SF1: variants seen among roughly 807,000 people sequenced by gnomAD.
The protein encoded by SF1 is branch point-binding protein.
In SF1, 7 loss-of-function variants were observed where a neutral mutation model predicts 62.5. The observed-to-expected ratio is 0.11, with a 90% confidence interval of 0.06 to 0.21. SF1 has a LOEUF of 0.21. SF1 is among the 10% of genes least tolerant of loss of function. The pLI is 1.00. For synonymous variants in SF1, 394 were observed against 323.6 expected (o/e 1.22, Z -2.33); for missense variants, 578 against 884.0 (o/e 0.65, Z 4.39).
At chr11:64,777,294 C>T (rs969558608) in intron 1 of SF1, among the ~76,000 whole-genome samples, 1 of 152,184 alleles carries the variant, frequency 6.6e-6, no homozygotes, top group Non-Finnish European at 1.5e-5. Context: ...GCAGAAACTC[C>T]CTACATTTGC....
intron 1 of SF1, chr11:64,778,136 G>T: frequency 2.4e-6 from 2 of 817,600 alleles, no homozygotes; most frequent in Non-Finnish European, 3.0e-6. Context: ...TGGCGGTGGA[G>T]GCGGCGGCGG....
At chr11:64,770,976 T>TC (rs1417457377) in intron 3 of SF1, among the ~76,000 whole-genome samples, 1 of 152,230 alleles carries the variant, frequency 6.6e-6, no homozygotes, top group Non-Finnish European at 1.5e-5. Flanking sequence ...TCTTTGCTTT[T>TC]CCTTCAATGG....
At position 64,769,136 on chromosome 11, in the gene SF1, A is replaced by C. The variant is rs761566100; in HGVS notation, c.780-7T>G. ...CTGCCAGGGTCTTAAGATCCTATTA[A>C]AGGAAAAAGAGGTCAATGCAAGGGA... On this transcript the variant is annotated splice_polypyrimidine_tract_variant and splice_region_variant and intron_variant, in intron 7 of 12. Transcript: ENST00000377390. The C allele has an allele frequency of 6.2e-7, 1 of 1,613,474 alleles. No homozygotes were observed. The highest frequency in any genetic ancestry group is 1.1e-5 in the South Asian group (1 of 91,058).
intron 8 of SF1, 146 bp from the exon 9 acceptor site, chr11:64,768,432 G>A: frequency 4.1e-6 from 3 of 733,992 alleles, no homozygotes; most frequent in Middle Eastern, 3.0e-4. Context: ...TACTGGGCAT[G>A]GCTCTCAACA....
At chr11:64,778,132 T>TGGAGGCGGCGGCGGCTGCTGGGGAGGC (rs1445950717) in intron 1 of SF1, 23 of 759,452 alleles carry the variant, frequency 3.0e-5, no homozygotes, top group Non-Finnish European at 1.6e-6. Context: ...ACGGTGGCGG[T>TGGAGGCGGCGGCGGCTGCTGGGGAGGC]GGAGGCGGCG....
chr11:64,769,921 G>A (rs565352103), intron 5 of SF1, 43 bp downstream of exon 5: 1 of 1,435,442 alleles, frequency 7.0e-7, no homozygotes, highest in South Asian at 1.2e-5. Flanking sequence ...CATCTCACAG[G>A]CTCTAAAGGA....
intron 3 of SF1, chr11:64,772,447 G>GT (rs1938478342): frequency 3.0e-6 from 3 of 985,212 alleles, no homozygotes; most frequent in Non-Finnish European, 3.6e-6. Flanking sequence ...GAGAAACAAG[G>GT]AAGTTAATGT....
In SF1 at chr11:64,767,797, G is replaced by A. The variant is rs1423001947; in HGVS notation, c.1116C>T (p.Gly372=). The change falls in exon 10 of 13, where the codon GGC becomes GGT. Residue 372 remains glycine (G), a synonymous_variant. Coordinates refer to ENST00000377390, the MANE Select transcript of SF1 (RefSeq NM_004630.4). ...TQSRPPWMNS[G]PSESRPYHGM... is the part of the protein sequence containing the mutation. ...CGTGGTAGGGCCGACTCTCTGAAGG[G>A]CCAGAATTCATCCAGGGTGGGCGGC... The A allele has an allele frequency of 1.2e-6, 2 of 1,613,834 alleles. No homozygotes were observed. Among genetic ancestry groups the A allele is most frequent in the Non-Finnish European group, 8.5e-7 (1 of 1,179,850 alleles).
At chr11:64,775,765 TG>T (rs1214637885) in intron 2 of SF1, among the ~76,000 whole-genome samples, 1 of 152,236 alleles carries the variant, frequency 6.6e-6, no homozygotes. Context: ...AAAGCAATTT[TG>T]AGGTTAATTT....
chr11:64,765,294 GA>G lies in SF1; in HGVS notation c.*523del, dbSNP rs1234403911. ...CTCCTTGGACGGAGTCTGAAGAAAG[GA>G]AAAGATAAAGAAGTAACAAAGGAAA... On this transcript the variant is annotated 3_prime_UTR_variant, in exon 13 of 13. Coordinates refer to ENST00000377390, the MANE Select transcript of SF1 (RefSeq NM_004630.4). 5 of 623,120 alleles carry G rather than the reference GA, an allele frequency of 8.0e-6. No homozygotes were observed. The highest frequency in any genetic ancestry group is 1.5e-5 in the Non-Finnish European group (5 of 343,960). The allele number at this position is 623,120 out of a possible 1,614,324, so 38.6% of individuals were successfully genotyped here.
rs1937873991 is a variant in SF1 at position 64,769,145 on chromosome 11, G to A, written c.780-16C>T. 1 of 1,612,450 alleles carries A rather than the reference G, an allele frequency of 6.2e-7. No individual in the cohort carries two copies. The highest frequency in any genetic ancestry group is 8.5e-7 in the Non-Finnish European group (1 of 1,178,512). On this transcript the variant is annotated splice_polypyrimidine_tract_variant and intron_variant, in intron 7 of 12. Coordinates refer to ENST00000377390, the MANE Select transcript of SF1 (RefSeq NM_004630.4). ...TCTTAAGATCCTATTAAAGGAAAAA[G>A]AGGTCAATGCAAGGGAACAATCTCT...
At chr11:64,770,467 A>G in intron 3 of SF1, 59 bp from the exon 4 acceptor site, 1 of 1,575,922 alleles carries the variant, frequency 6.3e-7, no homozygotes, top group Non-Finnish European at 8.7e-7. Context: ...TCCCACACGG[A>G]CTATAACAAG....
At chr11:64,775,462 G>T (rs370356706) in intron 2 of SF1, among the ~76,000 whole-genome samples, 1 of 152,194 alleles carries the variant, frequency 6.6e-6, no homozygotes, top group Admixed American at 6.5e-5. Flanking sequence ...AACAGTAGGG[G>T]AAAGAACAAG....
intron 3 of SF1, 146 bp from the exon 4 acceptor site, chr11:64,770,554 A>G (rs1592484830): frequency 2.4e-6 from 2 of 839,480 alleles, no homozygotes; most frequent in East Asian, 5.4e-5. Context: ...GTGCTACTCA[A>G]GATCGTGTGG....
At chr11:64,767,984 G>A (rs1001782358) in intron 9 of SF1, 122 bp downstream of exon 9, 28 of 1,444,268 alleles carry the variant, frequency 1.9e-5, no homozygotes, top group Middle Eastern at 1.8e-4. Context: ...CTGAGATCCC[G>A]GAAGAACAAT....
At position 64,767,653 on chromosome 11, in the gene SF1, G is replaced by T. The variant is rs2058780179; in HGVS notation, c.1260C>A (p.Pro420=). 1 of 1,601,616 alleles carries T rather than the reference G, an allele frequency of 6.2e-7. No homozygotes were observed. Among genetic ancestry groups the T allele is most frequent in the Non-Finnish European group, 8.5e-7 (1 of 1,173,368 alleles). The stretch of plus-strand genomic sequence containing the variant: ...GTGGTGGCTGCATCCAAGGGGGTGG[G>T]GGTCCATTGGGGTTGTGCTGCATGG... The part of the protein sequence containing the change: ...GHPMQHNPNG[P]PPPWMQPPPP... Residue 420 remains proline, a synonymous_variant, in exon 10 of 13, where the codon CCC becomes CCA. Transcript: ENST00000377390.
At chr11:64,772,025 T>A in intron 3 of SF1, 1 of 985,340 alleles carries the variant, frequency 1.0e-6, no homozygotes, top group Non-Finnish European at 1.2e-6. Flanking sequence ...CAAAAACAAG[T>A]CTTACCAGCA....
In SF1 at chr11:64,765,661, G is replaced by A; in HGVS notation, c.*157C>T. 6 of 1,482,928 alleles carry A rather than the reference G, an allele frequency of 4.0e-6. No individual in the cohort carries two copies. The highest frequency in any genetic ancestry group is 5.3e-6 in the Non-Finnish European group (6 of 1,123,114). 91.9% of individuals were successfully genotyped at this position (1,482,928 alleles called of 1,614,324 possible). ...CTGCCCGTTCCCAAGCGAATCCTCAGTCGCTTGGCCCAGCCCAGTGCGTGC... is the reference window on the plus strand; with the variant it reads ...CTGCCCGTTCCCAAGCGAATCCTCAATCGCTTGGCCCAGCCCAGTGCGTGC... On this transcript the variant is annotated 3_prime_UTR_variant, in exon 13 of 13. Coordinates refer to ENST00000377390, the MANE Select transcript of SF1 (RefSeq NM_004630.4).
chr11:64,770,571 G>A, intron 3 of SF1, 163 bp from the exon 4 acceptor site: 1 of 718,294 alleles, frequency 1.4e-6, no homozygotes, highest in Non-Finnish European at 2.2e-6. Flanking sequence ...GTGGAATGGG[G>A]AGATGGAAGC....
Sources: gnomAD v4.1 joint callset for allele counts (sites outside exome capture counted in the v4.1 genomes callset) on GRCh38, gnomAD v4.1.1 for gene constraint, MANE v1.5 for transcripts, NCBI Gene and HGNC (gene_info 2026-07-23, HGNC 2026-07-21) for gene names.